Variants in ULK4 observed in about 807,000 individuals in gnomAD.
The protein encoded by ULK4 is inactive serine/threonine-protein kinase ULK4.
Under a neutral mutation model 160.6 loss-of-function variants are expected in ULK4, and 133 were observed. The observed-to-expected ratio is 0.83, with a 90% CI of 0.72 to 0.96. ULK4 has a LOEUF of 0.96. Ranked by LOEUF, ULK4 falls within the 40% of genes least tolerant of loss-of-function variation. The pLI is 0.00. For synonymous variants in ULK4, 534 were observed against 539.8 expected (o/e 0.99, Z 0.15); for missense variants, 1,580 against 1,499.5 (o/e 1.05, Z -0.89).
chr3:41,392,096 CTA>C (rs1358201586), intron 35 of ULK4, among the ~76,000 whole-genome samples: 1 of 152,062 alleles, frequency 6.6e-6, no homozygotes, highest in African/African-American at 2.4e-5. Context: ...AGACAAGTAG[CTA>C]ATCTACAATC....
chr3:41,768,880 T>G (rs879266578), intron 21 of ULK4, among the ~76,000 whole-genome samples: 4 of 152,160 alleles, frequency 2.6e-5, no homozygotes, highest in African/African-American at 7.2e-5. Context: ...GACAGTGAGG[T>G]ATGTTACTGT....
rs117548965 is a variant in ULK4 at position 41,703,925 on chromosome 3, G to C, written c.2781+1132C>G. Among the ~76,000 whole-genome samples the C allele has an allele frequency of 1.4e-3, 212 of 151,896 alleles. 5 individuals carry two copies. The East Asian group carries it at 0.04, about 28-fold the overall frequency. ...GGGCAGAGGGTAGAGAAATATGTGA[G>C]GAAACAAACTGAAGAATTCAGTTCT... On this transcript the variant is annotated intron_variant, in intron 27 of 36. Coordinates refer to ENST00000301831, the MANE Select transcript of ULK4 (RefSeq NM_017886.4).
At chr3:41,734,800 G>A (rs1408525522) in intron 22 of ULK4, among the ~76,000 whole-genome samples, 2 of 152,098 alleles carry the variant, frequency 1.3e-5, no homozygotes, top group African/African-American at 2.4e-5. Flanking sequence ...ACAGGAAATT[G>A]TACCATTCAC....
chr3:41,841,571 C>T (rs1413453833), intron 17 of ULK4, among the ~76,000 whole-genome samples: 1 of 152,168 alleles, frequency 6.6e-6, no homozygotes, highest in Non-Finnish European at 1.5e-5. Flanking sequence ...TGCCCGGCAG[C>T]CCCATCTGGG....
At chr3:41,345,614 G>C (rs1197689928) in intron 35 of ULK4, among the ~76,000 whole-genome samples, 2 of 152,144 alleles carry the variant, frequency 1.3e-5, no homozygotes, top group African/African-American at 2.4e-5. Flanking sequence ...ACACACAGTG[G>C]GGCCTGTTAG....
chr3:41,914,500 G>A (rs1698903189), intron 8 of ULK4, among the ~76,000 whole-genome samples: 1 of 152,190 alleles, frequency 6.6e-6, no homozygotes, highest in South Asian at 2.1e-4. Context: ...TTCCTAGAAT[G>A]CAGGAAATGT....
At chr3:41,297,486 C>G (rs2079693252) in intron 35 of ULK4, among the ~76,000 whole-genome samples, 1 of 152,198 alleles carries the variant, frequency 6.6e-6, no homozygotes, top group Admixed American at 6.5e-5. Flanking sequence ...AGTGGCAGAA[C>G]CTTTTTTCCT....
At chr3:41,842,045 T>C (rs2041940042) in intron 17 of ULK4, among the ~76,000 whole-genome samples, 1 of 151,764 alleles carries the variant, frequency 6.6e-6, no homozygotes, top group Non-Finnish European at 1.5e-5. Context: ...GAGACCTTTG[T>C]TCACGTGTTT....
chr3:41,341,692 G>A (rs559337352), intron 35 of ULK4, among the ~76,000 whole-genome samples: 16 of 152,294 alleles, frequency 1.1e-4, no homozygotes, highest in African/African-American at 3.4e-4. Flanking sequence ...CAAGAAACCA[G>A]GGCAAGTGGC....
chr3:41,558,648 G>A (rs2087405320), intron 32 of ULK4, among the ~76,000 whole-genome samples: 1 of 151,716 alleles, frequency 6.6e-6, no homozygotes, highest in Non-Finnish European at 1.5e-5. Flanking sequence ...AGATTGCAGT[G>A]GGCCAAGATC....
chr3:41,574,836 G>C (rs923049922), intron 31 of ULK4, among the ~76,000 whole-genome samples: 1 of 152,238 alleles, frequency 6.6e-6, no homozygotes, highest in Admixed American at 6.5e-5. Context: ...GTGAGCCACT[G>C]CGCCAGGCCC....
chr3:41,287,991 T>C (rs1331587188), intron 35 of ULK4, among the ~76,000 whole-genome samples: 1 of 152,152 alleles, frequency 6.6e-6, no homozygotes, highest in Non-Finnish European at 1.5e-5. Context: ...TATAATCTGA[T>C]TGGGTTAAAT....
At chr3:41,637,733 C>G (rs1180801486) in intron 30 of ULK4, among the ~76,000 whole-genome samples, 1 of 152,194 alleles carries the variant, frequency 6.6e-6, no homozygotes, top group East Asian at 1.9e-4. Context: ...CATAGCCATT[C>G]TAACAGGTGT....
intron 17 of ULK4, among the ~76,000 whole-genome samples, chr3:41,881,794 C>CA (rs1345415376): frequency 6.6e-6 from 1 of 152,128 alleles, no homozygotes; most frequent in Admixed American, 6.5e-5. Context: ...ATAAAAGATA[C>CA]AAGAACCTCG....
intron 35 of ULK4, among the ~76,000 whole-genome samples, chr3:41,287,161 A>T (rs2079476495): frequency 6.6e-6 from 1 of 152,216 alleles, no homozygotes; most frequent in Non-Finnish European, 1.5e-5. Flanking sequence ...AAATGGCAAG[A>T]TCAGGGTAGG....
chr3:41,413,855 A>G (rs2082464484), intron 34 of ULK4, among the ~76,000 whole-genome samples: 1 of 152,168 alleles, frequency 6.6e-6, no homozygotes, highest in South Asian at 2.1e-4. Context: ...GACTTAGAAA[A>G]AGGAGCGCCC....
chr3:41,923,762 C>G (rs1699283267), intron 5 of ULK4, among the ~76,000 whole-genome samples: 2 of 152,190 alleles, frequency 1.3e-5, no homozygotes, highest in South Asian at 4.1e-4. Context: ...GAACCTGAAC[C>G]CTAACCTGTA....
intron 35 of ULK4, among the ~76,000 whole-genome samples, chr3:41,300,729 T>C (rs1458512727): frequency 6.6e-6 from 1 of 151,256 alleles, no homozygotes; most frequent in African/African-American, 2.4e-5. Context: ...GATACCGTCC[T>C]AGCCATGATA....
At chr3:41,385,253 A>G (rs2081778838) in intron 35 of ULK4, among the ~76,000 whole-genome samples, 1 of 152,128 alleles carries the variant, frequency 6.6e-6, no homozygotes, top group Non-Finnish European at 1.5e-5. Flanking sequence ...TGATTCTTTC[A>G]ACTTTTCTTG....
Sources: allele counts gnomAD v4.1 joint callset (sites outside exome capture counted in the v4.1 genomes callset), GRCh38; gene constraint gnomAD v4.1.1; transcripts MANE v1.5; gene names NCBI Gene and HGNC (gene_info 2026-07-23, HGNC 2026-07-21).